Variants in CDC42BPA observed in about 807,000 individuals in gnomAD.
CDC42BPA encodes the protein serine/threonine-protein kinase MRCK alpha.
In CDC42BPA, 80 loss-of-function variants were observed where a neutral mutation model predicts 223.5. The observed-to-expected ratio is 0.36, with a 90% CI of 0.30 to 0.43. The LOEUF (loss-of-function observed/expected upper bound fraction) is 0.43, where lower values mean the gene tolerates loss of function less well. Ranked by LOEUF, CDC42BPA falls within the 20% of genes least tolerant of loss-of-function variation. The pLI, the probability that CDC42BPA is intolerant of heterozygous loss-of-function variation, is 1.00. For synonymous variants in CDC42BPA, 694 were observed against 718.6 expected, an observed-to-expected ratio of 0.97 and a Z score of 0.55; for missense variants, 1,743 against 2,099.9, an observed-to-expected ratio of 0.83 and a Z score of 3.32.
At chr1:227,268,043 A>G (rs958459534) in intron 1 of CDC42BPA, among the ~76,000 whole-genome samples, 1 of 152,220 alleles carries the variant, frequency 6.6e-6, no homozygotes, top group Non-Finnish European at 1.5e-5. Context: ...TTAAAATGGC[A>G]AAATTGTAGA....
intron 5 of CDC42BPA, among the ~76,000 whole-genome samples, chr1:227,191,834 C>A (rs1414200838): frequency 2.0e-5 from 3 of 152,040 alleles, no homozygotes; most frequent in African/African-American, 7.2e-5. Context: ...TAAGGCTGCA[C>A]TGTGGCAAGA....
intron 2 of CDC42BPA, among the ~76,000 whole-genome samples, chr1:227,225,956 TA>T (rs1323161325): frequency 2.0e-5 from 3 of 152,236 alleles, no homozygotes; most frequent in Non-Finnish European, 4.4e-5. Flanking sequence ...TTTTTCTTCC[TA>T]GAGTTCAAGT....
At chr1:227,195,586 A>C (rs1042769404) in intron 4 of CDC42BPA, among the ~76,000 whole-genome samples, 28 of 152,204 alleles carry the variant, frequency 1.8e-4, no homozygotes, top group African/African-American at 6.8e-4. Flanking sequence ...TAACAGTTAA[A>C]TAATCCATTC....
At chr1:227,118,220 C>T (rs1308214794) in intron 12 of CDC42BPA, among the ~76,000 whole-genome samples, 6 of 152,240 alleles carry the variant, frequency 3.9e-5, no homozygotes, top group South Asian at 4.1e-4. Flanking sequence ...TATTTGCTAA[C>T]TCAATCAAAA....
chr1:227,026,004 T>C, intron 31 of CDC42BPA, 51 bp downstream of exon 31: 1 of 942,248 alleles, frequency 1.1e-6, no homozygotes, highest in Non-Finnish European at 1.7e-6. Context: ...AGTAATTTAG[T>C]GTTTTCACTT....
chr1:227,051,959 T>C lies in CDC42BPA; in HGVS notation c.2931A>G (p.Val977=), dbSNP rs1179206915. 2.2e-6 allele frequency: 3 copies of C among 1,366,266 alleles called. No individual in the cohort carries two copies. Among genetic ancestry groups the C allele is most frequent in the Admixed American group, 1.9e-5 (1 of 52,552 alleles). The allele number at this position is 1,366,266 out of a possible 1,614,324, so 84.6% of individuals were successfully genotyped here. A position where few individuals can be genotyped will look rare whatever the true frequency, so the allele number is the denominator to read the frequency against. Residue 977 remains valine, a synonymous_variant, in exon 22 of 37, where the codon GTA becomes GTG. Transcript: ENST00000366766. Reference sequence around the variant, plus strand: ...TGTGAAACTTGACGCTCGGGTTCCATACATATGTGTTCTCAACGGGATCAG... The same window carrying C: ...TGTGAAACTTGACGCTCGGGTTCCACACATATGTGTTCTCAACGGGATCAG... ...FETDPVENTY[V]WNPSVKFHIQ...
chr1:227,032,835 A>G (rs1669539239), intron 27 of CDC42BPA, among the ~76,000 whole-genome samples: 1 of 152,192 alleles, frequency 6.6e-6, no homozygotes, highest in Non-Finnish European at 1.5e-5. Flanking sequence ...TCTGGTCCCA[A>G]ATGAGCTGAA....
chr1:227,010,778 C>G (rs1467582132), intron 34 of CDC42BPA: 6 of 552,626 alleles, frequency 1.1e-5, no homozygotes, highest in Non-Finnish European at 1.5e-5. Context: ...GGAAAAGGTT[C>G]ACAAGATGGC....
intron 1 of CDC42BPA, among the ~76,000 whole-genome samples, chr1:227,296,638 G>A (rs982419379): frequency 2.7e-5 from 4 of 150,866 alleles, no homozygotes; most frequent in African/African-American, 4.9e-5. Flanking sequence ...CTCAGGAGGC[G>A]GAGGATGCAG....
intron 30 of CDC42BPA, 30 bp downstream of exon 30, chr1:227,028,627 A>T: frequency 7.1e-7 from 1 of 1,402,468 alleles, no homozygotes; most frequent in Non-Finnish European, 9.8e-7. Context: ...AGATATAAAG[A>T]TAAGACAGCC....
At chr1:227,133,350 G>GC (rs1178581528) in intron 10 of CDC42BPA, among the ~76,000 whole-genome samples, 12 of 151,180 alleles carry the variant, frequency 7.9e-5, no homozygotes, top group Admixed American at 2.6e-4. Flanking sequence ...GGGGCGGACA[G>GC]CCCCCCGCCT....
Position 227,112,859 on chromosome 1 carries a change from C to A in CDC42BPA, c.1702G>T (p.Ala568Ser). 3 of 1,613,938 alleles carry A rather than the reference C, an allele frequency of 1.9e-6. No homozygotes were observed. Among genetic ancestry groups the A allele is most frequent in the Non-Finnish European group, 2.5e-6 (3 of 1,179,888 alleles). ...ATGGCCAGTTTCCTCTGACAGTGTG[C>A]GTCTTTCAGCTCTTTGGATTGGTTT... ...LKNQSKELKD[A>S]HCQRKLAMQE... The change falls in exon 13 of 37, where the codon GCA becomes TCA. Residue 568 changes from alanine (A) to serine (S), a missense_variant. Transcript: ENST00000366766.
chr1:227,160,702 C>T (rs1339880743), intron 5 of CDC42BPA, 66 bp from the exon 6 acceptor site: 4 of 882,462 alleles, frequency 4.5e-6, no homozygotes, highest in South Asian at 1.7e-5. Flanking sequence ...GTAAGATATT[C>T]TTTTTGTCAG....
chr1:227,273,052 G>A (rs531652066), intron 1 of CDC42BPA, among the ~76,000 whole-genome samples: 1 of 151,982 alleles, frequency 6.6e-6, no homozygotes, highest in African/African-American at 2.4e-5. Context: ...CAGCACTTTG[G>A]GAGGCCAAGG....
At chr1:227,074,119 C>T (rs1186170549) in intron 18 of CDC42BPA, 107 bp from the exon 19 acceptor site, 1 of 1,407,364 alleles carries the variant, frequency 7.1e-7, no homozygotes, top group African/African-American at 1.5e-5. Context: ...AAGACCCAAA[C>T]TAATAGTTTT....
chr1:227,083,819 G>A (rs1681227266), intron 16 of CDC42BPA, among the ~76,000 whole-genome samples: 1 of 152,150 alleles, frequency 6.6e-6, no homozygotes, highest in South Asian at 2.1e-4. Context: ...CTCCTAAAAT[G>A]TAGGCTTTCA....
chr1:227,041,858 C>T (rs1230604023), intron 23 of CDC42BPA, among the ~76,000 whole-genome samples: 2 of 152,188 alleles, frequency 1.3e-5, no homozygotes, highest in Non-Finnish European at 2.9e-5. Flanking sequence ...TTCTGAGTCC[C>T]AGTCAGGGTA....
In CDC42BPA at chr1:227,051,966, G is replaced by A. The variant is rs993806535; in HGVS notation, c.2924C>T (p.Thr975Ile). The stretch of plus-strand genomic sequence containing the variant: ...CTTGACGCTCGGGTTCCATACATAT[G>A]TGTTCTCAACGGGATCAGTCTAGGA... ...DQFETDPVEN[T>I]YVWNPSVKFH... The change falls in exon 22 of 37, where the codon ACA becomes ATA. Residue 975 changes from threonine to isoleucine, a missense_variant. Coordinates refer to ENST00000366766, the MANE Select transcript of CDC42BPA (RefSeq NM_001394014.1). 3 of 1,365,946 alleles carry A rather than the reference G, an allele frequency of 2.2e-6. No homozygotes were observed. The highest frequency in any genetic ancestry group is 2.1e-4 in the Middle Eastern group (1 of 4,790). 84.6% of individuals were successfully genotyped at this position (1,365,946 alleles called of 1,614,324 possible).
rs1274343675 is a variant in CDC42BPA at position 226,991,006 on chromosome 1, TAA to T, written c.*3260_*3261del. 2 of 152,636 alleles carry T rather than the reference TAA, an allele frequency of 1.3e-5. No homozygotes were observed. Among genetic ancestry groups the T allele is most frequent in the Non-Finnish European group, 1.5e-5 (1 of 68,042 alleles). The allele number at this position is 152,636 out of a possible 1,614,324, so 9.5% of individuals were successfully genotyped here. A position where few individuals can be genotyped will look rare whatever the true frequency, so the allele number is the denominator to read the frequency against. ...TCACTAAGTGTGTTGGGGATGTGTA[TAA>T]ATACATACATAATAACAAAAAATGT... On this transcript the variant is annotated 3_prime_UTR_variant, in exon 37 of 37. Transcript: ENST00000366766.
Sources: gnomAD v4.1 joint callset for allele counts (sites outside exome capture counted in the v4.1 genomes callset) on GRCh38, gnomAD v4.1.1 for gene constraint, MANE v1.5 for transcripts, NCBI Gene and HGNC (gene_info 2026-07-23, HGNC 2026-07-21) for gene names.